SIPA1: variants seen among roughly 807,000 people sequenced by gnomAD.
SIPA1 encodes the protein signal-induced proliferation-associated 1, also known as signal-induced proliferation-associated protein 1.
SIPA1 carries 51 observed loss-of-function variants against 88.1 expected under a neutral mutation model. The observed-to-expected ratio is 0.58, with a 90% CI of 0.46 to 0.73. The LOEUF (loss-of-function observed/expected upper bound fraction) is 0.73, where lower values mean the gene tolerates loss of function less well. Ranked by LOEUF, SIPA1 falls within the 30% of genes least tolerant of loss-of-function variation. The pLI is 0.00. For missense variants in SIPA1, 1,348 were observed against 1,467.6 expected, an observed-to-expected ratio of 0.92 and a Z score of 1.33; for synonymous variants, 681 against 664.8, an observed-to-expected ratio of 1.02 and a Z score of -0.37.
At chr11:65,647,190 C>T (rs2135524932) in intron 8 of SIPA1, 125 bp downstream of exon 8, 1 of 1,409,590 alleles carries the variant, frequency 7.1e-7, no homozygotes, top group South Asian at 1.6e-5. Flanking sequence ...GCAGAGCCAG[C>T]CCCGGGGCTT....
Position 65,640,596 on chromosome 11 carries a change from C to T in SIPA1, c.-91-235C>T, listed in dbSNP as rs77557803. ...TGGCAGTCCCAGGGCTGCCCAGGCT[C>T]CAGGACCCTCAGGACCAAGACCCAA... On this transcript the variant is annotated intron_variant, in intron 1 of 15. Transcript: ENST00000534313. Among the ~76,000 whole-genome samples the T allele has an allele frequency of 4.4e-4, 67 of 152,366 alleles. No homozygotes were observed. In the East Asian group the frequency reaches 0.011, roughly 25 times the overall value.
At position 65,649,637 on chromosome 11, in the gene SIPA1, G is replaced by C; in HGVS notation, c.2602G>C (p.Val868Leu). Residue 868 changes from valine to leucine, a missense_variant, in exon 11 of 16, where the codon GTA becomes CTA. Transcript: ENST00000534313. ...CCTGGCCACCACAGCCAAGCCATCAGTACCCAGTGCTGACAGTGAGACACC... is the reference window on the plus strand; with the variant it reads ...CCTGGCCACCACAGCCAAGCCATCACTACCCAGTGCTGACAGTGAGACACC... ...LLLATTAKPS[V>L]PSADSETPLT... 1 of 1,614,076 alleles carries C rather than the reference G, an allele frequency of 6.2e-7. No homozygotes were observed. The highest frequency in any genetic ancestry group is 8.5e-7 in the Non-Finnish European group (1 of 1,180,032).
chr11:65,645,824 CCTT>C (rs746489725), intron 5 of SIPA1, 27 bp from the exon 6 acceptor site: 4 of 1,536,340 alleles, frequency 2.6e-6, no homozygotes, highest in South Asian at 2.3e-5. Context: ...CTTGTTTTCT[CCTT>C]CTGTGTCCCT....
Position 65,642,733 on chromosome 11 carries a change from C to T in SIPA1, c.984+94C>T. 1 of 1,245,454 alleles carries T rather than the reference C, an allele frequency of 8.0e-7. No individual in the cohort carries two copies. Among genetic ancestry groups the T allele is most frequent in the Non-Finnish European group, 1.1e-6 (1 of 932,504 alleles). 77.2% of individuals were successfully genotyped at this position (1,245,454 alleles called of 1,614,324 possible). On this transcript the variant is annotated intron_variant, in intron 4 of 15. Transcript: ENST00000534313. The surrounding 1 kb of genome is among the most constrained non-coding windows in gnomAD (Gnocchi z 6.5). ...CCAAACCCCTAGCCTTGACCCTGAT[C>T]CTGGGCTGGGTGGTGACCCCAGAAG...
rs1217025983 is a variant in SIPA1 at position 65,646,589 on chromosome 11, G to A, written c.1555G>A (p.Gly519Ser). The stretch of plus-strand genomic sequence containing the variant: ...AGCGCTGAATGGTGAGCAGGCGGCC[G>A]GCCACGCGCGCCAGTTCCACGCCAT... ...AKALNGEQAAGHARQFHAMAT... is the reference protein window; with the variant it reads ...AKALNGEQAASHARQFHAMAT... Residue 519 changes from glycine to serine, a missense_variant, in exon 8 of 16, where the codon GGC (glycine) becomes AGC (serine). Physicochemically the swap from Gly to Ser is moderately conservative, Grantham distance 56. Around this residue, in one of 4 missense-constraint regions of SIPA1, gnomAD observed 641 missense variants for 797.7 expected, o/e 0.80. Coordinates refer to ENST00000534313, the MANE Select transcript of SIPA1 (RefSeq NM_006747.4). The surrounding 1 kb of genome is among the most constrained non-coding windows in gnomAD (Gnocchi z 7.5). 6.5e-7 allele frequency: 1 copy of A among 1,545,066 alleles called. No homozygotes were observed. Among genetic ancestry groups the A allele is most frequent in the Non-Finnish European group, 8.7e-7 (1 of 1,150,574 alleles).
At position 65,640,980 on chromosome 11, in the gene SIPA1, C is replaced by A; in HGVS notation, c.59C>A (p.Thr20Lys). 6.3e-7 allele frequency: 1 copy of A among 1,582,436 alleles called. No homozygotes were observed. Among genetic ancestry groups the A allele is most frequent in the Non-Finnish European group, 8.5e-7 (1 of 1,170,816 alleles). ...CGGCGGGGCATGGCCCCTGCGTCCA[C>A]AGATGACCTCTTTGCCCGCAAGCTG... is the stretch of plus-strand genomic sequence containing the variant. Reference protein sequence around the residue: ...SPRRGMAPASTDDLFARKLRQ... With the variant: ...SPRRGMAPASKDDLFARKLRQ... The change falls in exon 2 of 16, where the codon ACA becomes AAA. Residue 20 changes from threonine to lysine, a missense_variant. Transcript: ENST00000534313.
intron 1 of SIPA1, chr11:65,639,836 C>G (rs1022463613): frequency 6.6e-6 from 1 of 152,342 alleles, no homozygotes; most frequent in Non-Finnish European, 1.5e-5. Context: ...ACCCACCCCC[C>G]AAAACCTACG....
At position 65,641,536 on chromosome 11, in the gene SIPA1, G is replaced by C. The variant is rs777828879; in HGVS notation, c.615G>C (p.Ser205=). The change falls in exon 2 of 16, where the codon TCG becomes TCC. Residue 205 remains serine, a synonymous_variant. Coordinates refer to ENST00000534313, the MANE Select transcript of SIPA1 (RefSeq NM_006747.4). The stretch of plus-strand genomic sequence containing the variant: ...TGGAGGAGCCACAGAACCGAACCTC[G>C]GCCTACAGCCTGGAGCACGCAGACC... ...SILEEPQNRT[S]AYSLEHADLG... is the part of the protein sequence containing the mutation. The C allele has an allele frequency of 5.0e-6, 8 of 1,612,348 alleles. No homozygotes were observed. The highest frequency in any genetic ancestry group is 3.3e-4 in the Middle Eastern group (2 of 6,044).
Position 65,641,196 on chromosome 11 carries a change from C to T in SIPA1, c.275C>T (p.Pro92Leu), listed in dbSNP as rs747232326. Residue 92 changes from proline (P) to leucine (L), a missense_variant, in exon 2 of 16, where the codon CCG (proline) becomes CTG (leucine). This residue lies in a region of SIPA1 where 641 missense variants were observed against 797.7 expected (regional missense o/e 0.80). Transcript: ENST00000534313. ...AATSTRLFTD[P>L]LALLGLPAEE... is the part of the protein sequence containing the mutation. ...ACTTCCACCCGGCTCTTCACTGACC[C>T]GCTGGCACTGCTGGGGCTGCCAGCA... is the stretch of plus-strand genomic sequence containing the variant. The T allele has an allele frequency of 2.5e-6, 4 of 1,611,830 alleles. No homozygotes were observed. The highest frequency in any genetic ancestry group is 3.4e-6 in the Non-Finnish European group (4 of 1,179,986).
Position 65,649,476 on chromosome 11 carries a change from C to T in SIPA1, c.2521C>T (p.Arg841Cys), listed in dbSNP as rs145508269. ...FLHSQNSLSP[R>C]SSLSDEAPVL... ...GCACAGCCAGAACTCGCTGTCACCACGCAGGTGCACACTCTTGGCCTTCCC... is the reference window on the plus strand; with the variant it reads ...GCACAGCCAGAACTCGCTGTCACCATGCAGGTGCACACTCTTGGCCTTCCC... Residue 841 changes from arginine to cysteine, a missense_variant, in exon 10 of 16, where the codon CGC becomes TGC. Around this residue, in one of 4 missense-constraint regions of SIPA1, gnomAD observed 615 missense variants for 559.8 expected, o/e 1.10. Coordinates refer to ENST00000534313, the MANE Select transcript of SIPA1 (RefSeq NM_006747.4). 2.0e-5 allele frequency: 32 copies of T among 1,613,362 alleles called. No individual in the cohort carries two copies. Among genetic ancestry groups the T allele is most frequent in the South Asian group, 9.9e-5 (9 of 91,014 alleles).
chr11:65,649,696 G>A (rs1157122420), intron 11 of SIPA1, 24 bp downstream of exon 11: 1 of 1,613,926 alleles, frequency 6.2e-7, no homozygotes, highest in African/African-American at 1.3e-5. Context: ...AGGCTCTGGA[G>A]CCCAACAGCA....
In SIPA1 at chr11:65,642,212, G is replaced by T; in HGVS notation, c.680-38G>T. The T allele has an allele frequency of 6.5e-7, 1 of 1,545,148 alleles. No individual in the cohort carries two copies. Among genetic ancestry groups the T allele is most frequent in the Non-Finnish European group, 8.7e-7 (1 of 1,145,802 alleles). ...GTCGAGCGGGGGCGGGGCTGCCAGA[G>T]GGCGGGACCAATCGTTTTCTTCGGC... is the stretch of plus-strand genomic sequence containing the variant. On this transcript the variant is annotated intron_variant, in intron 2 of 15. Transcript: ENST00000534313. The surrounding 1 kb of genome is among the most constrained non-coding windows in gnomAD (Gnocchi z 6.5).
Position 65,646,086 on chromosome 11 carries a change from C to T in SIPA1, c.1263+129C>T. On this transcript the variant is annotated intron_variant, in intron 6 of 15. Coordinates refer to ENST00000534313, the MANE Select transcript of SIPA1 (RefSeq NM_006747.4). The surrounding 1 kb of genome is among the most constrained non-coding windows in gnomAD (Gnocchi z 7.5). ...GCCCGCCCCTCTGGTGGCCCCTTCCCAAAGACAGAAACACCCTAGGTCTTC... is the reference window on the plus strand; with the variant it reads ...GCCCGCCCCTCTGGTGGCCCCTTCCTAAAGACAGAAACACCCTAGGTCTTC... 4.5e-6 allele frequency: 6 copies of T among 1,324,616 alleles called. No individual in the cohort carries two copies. Among genetic ancestry groups the T allele is most frequent in the South Asian group, 3.9e-5 (3 of 76,420 alleles). 82.1% of individuals were successfully genotyped at this position (1,324,616 alleles called of 1,614,324 possible). A position where few individuals can be genotyped will look rare whatever the true frequency, so the allele number is the denominator to read the frequency against.
At chr11:65,647,233 G>A (rs2135525108) in intron 8 of SIPA1, 151 bp from the exon 9 acceptor site, 1 of 1,388,248 alleles carries the variant, frequency 7.2e-7, no homozygotes, top group Non-Finnish European at 9.4e-7. Context: ...TCGGGTAAGC[G>A]ACTTCTGGTC....
Position 65,648,583 on chromosome 11 carries a change from C to T in SIPA1, c.2307-679C>T, listed in dbSNP as rs1300961004. Among the ~76,000 whole-genome samples, 12 of 152,208 alleles carry T rather than the reference C, an allele frequency of 7.9e-5. No individual in the cohort carries two copies. The East Asian group carries it at 1.9e-3, about 24-fold the overall frequency. ...GCGCGGTGGCTCATGCTTGTAATCC[C>T]AGCACTTTGGGAGGCTGAGGCGGGT... On this transcript the variant is annotated intron_variant, in intron 9 of 15. Transcript: ENST00000534313.
intron 4 of SIPA1, among the ~76,000 whole-genome samples, chr11:65,643,781 G>A (rs998876538): frequency 1.3e-5 from 2 of 152,164 alleles, no homozygotes; most frequent in Non-Finnish European, 2.9e-5. Context: ...GGCACATTAG[G>A]CAGTCAGTTC....
Position 65,647,656 on chromosome 11 carries a change from C to G in SIPA1, c.2304C>G (p.Arg768=). Reference sequence around the variant, plus strand: ...CCCCCGACGAGAGCGGCCGGCCCCGCAGGTCAGGGTGCCGGGGACGCGGGG... The same window carrying G: ...CCCCCGACGAGAGCGGCCGGCCCCGGAGGTCAGGGTGCCGGGGACGCGGGG... The part of the protein sequence containing the change: ...VLPPDESGRP[R]RSFSELYTLS... Residue 768 remains arginine, a splice_region_variant and synonymous_variant, in exon 9 of 16, where the codon CGC becomes CGG. Transcript: ENST00000534313. 7.3e-7 allele frequency: 1 copy of G among 1,360,972 alleles called. No individual in the cohort carries two copies. The highest frequency in any genetic ancestry group is 9.4e-7 in the Non-Finnish European group (1 of 1,060,366). The allele number at this position is 1,360,972 out of a possible 1,614,324, so 84.3% of individuals were successfully genotyped here.
intron 9 of SIPA1, among the ~76,000 whole-genome samples, chr11:65,647,920 G>A (rs1431278914): frequency 6.7e-6 from 1 of 150,258 alleles, no homozygotes; most frequent in Admixed American, 6.6e-5. Context: ...TGCCCGGGCT[G>A]GAGTGCAATG....
rs935005733 is a variant in SIPA1 at position 65,650,077 on chromosome 11, A to G, written c.2848+26A>G. ...GTGAGGCCACCAGGGTGCTGCGGTA[A>G]GCCTGGGCAGTGCTCTTGCCCCCTT... On this transcript the variant is annotated intron_variant, in intron 13 of 15. Coordinates refer to ENST00000534313, the MANE Select transcript of SIPA1 (RefSeq NM_006747.4). 8.1e-6 allele frequency: 13 copies of G among 1,613,298 alleles called. No homozygotes were observed. The African/African-American group carries it at 1.6e-4, about 20-fold the overall frequency.
Sources: allele counts gnomAD v4.1 joint callset (sites outside exome capture counted in the v4.1 genomes callset), GRCh38; gene constraint gnomAD v4.1.1; regional missense constraint gnomAD v4.1.1; non-coding constraint Gnocchi (gnomAD v3.1); transcripts MANE v1.5; gene names NCBI Gene and HGNC (gene_info 2026-07-23, HGNC 2026-07-21).